AFG2B: variants seen among roughly 807,000 people sequenced by gnomAD.
AFG2B encodes ATPase family gene 2 protein homolog B.
chr15:45,403,256 G>C, the AFG2B span: 1 of 1,584,926 alleles, frequency 6.3e-7, no homozygotes, highest in South Asian at 1.1e-5. Flanking sequence ...TCCCGGCCTG[G>C]GGAGACCGAG....
At chr15:45,402,853 C>T in the AFG2B span, 1 of 1,598,512 alleles carries the variant, frequency 6.3e-7, no homozygotes, top group Admixed American at 1.7e-5. Flanking sequence ...GCTGAGAAAC[C>T]GACCGATCTC....
chr15:45,402,646 C>T, the AFG2B span: 2 of 1,578,762 alleles, frequency 1.3e-6, no homozygotes, highest in East Asian at 2.3e-5. Context: ...CGGCTTTGTG[C>T]AGCTGGACCC....
the AFG2B span, among the ~76,000 whole-genome samples, chr15:45,419,997 C>CCCCCCAAAA: frequency 1.9e-5 from 1 of 53,710 alleles, no homozygotes; most frequent in Non-Finnish European, 3.4e-5. Flanking sequence ...CCCCCCCCCC[C>CCCCCCAAAA]AAAAAAAAAA....
chr15:45,402,643 G>C, the AFG2B span: 1 of 1,579,486 alleles, frequency 6.3e-7, no homozygotes, highest in Non-Finnish European at 8.6e-7. Flanking sequence ...GGACGGCTTT[G>C]TGCAGCTGGA....
At chr15:45,405,305 T>C in the AFG2B span, 1 of 1,604,834 alleles carries the variant, frequency 6.2e-7, no homozygotes, top group Non-Finnish European at 8.5e-7. Flanking sequence ...TTTTTTTGTT[T>C]TGCTTTGCAT....
At chr15:45,410,365 TCTTCAGAACCAGGACAATC>T in the AFG2B span, 4 of 1,608,332 alleles carry the variant, frequency 2.5e-6, no homozygotes, top group Non-Finnish European at 3.4e-6. Flanking sequence ...TGGGTGTATT[TCTTCAGAACCAGGACAATC>T]CTGTGATTGA....
the AFG2B span, chr15:45,415,848 C>A: frequency 6.9e-7 from 1 of 1,439,488 alleles, no homozygotes; most frequent in Non-Finnish European, 9.6e-7. Flanking sequence ...TCCAGGCCAA[C>A]ATTAAATATA....
At chr15:45,402,463 C>T in the AFG2B span, 1 of 1,608,444 alleles carries the variant, frequency 6.2e-7, no homozygotes, top group Non-Finnish European at 8.5e-7. Context: ...CCCTGAAGGG[C>T]CGCTCTTAAA....
At chr15:45,414,534 A>G in the AFG2B span, 4 of 1,579,718 alleles carry the variant, frequency 2.5e-6, no homozygotes, top group African/African-American at 4.0e-5. Flanking sequence ...TTTTATTATT[A>G]TACTAAAACA....
chr15:45,417,371 T>A, the AFG2B span: 1 of 1,614,044 alleles, frequency 6.2e-7, no homozygotes. Flanking sequence ...TTAGATAAGA[T>A]CATCTATATC....
chr15:45,417,357 A>G, the AFG2B span: 1 of 1,614,100 alleles, frequency 6.2e-7, no homozygotes, highest in Non-Finnish European at 8.5e-7. Context: ...TACGACCTGG[A>G]AGATTAGATA....
the AFG2B span, among the ~76,000 whole-genome samples, chr15:45,420,389 A>G: frequency 6.6e-6 from 1 of 152,168 alleles, no homozygotes; most frequent in South Asian, 2.1e-4. Context: ...TGTTTGATCT[A>G]TTCCTTTATA....
chr15:45,414,425 G>C, the AFG2B span: 1 of 685,540 alleles, frequency 1.5e-6, no homozygotes, highest in South Asian at 1.9e-5. Context: ...TGATTCAAAT[G>C]ATAAGATCTC....
the AFG2B span, among the ~76,000 whole-genome samples, chr15:45,413,947 C>T: frequency 1.3e-5 from 2 of 152,104 alleles, no homozygotes; most frequent in South Asian, 2.1e-4. Flanking sequence ...ATTCATTATT[C>T]GGTTTACTGT....
At chr15:45,403,475 C>T in the AFG2B span, 6 of 1,607,764 alleles carry the variant, frequency 3.7e-6, no homozygotes, top group African/African-American at 4.0e-5. Flanking sequence ...CGGCCGGACG[C>T]TCTAGACCCA....
chr15:45,403,504 A>G, the AFG2B span: 2 of 1,602,246 alleles, frequency 1.2e-6, no homozygotes, highest in Non-Finnish European at 1.7e-6. Flanking sequence ...TAGGCCCGGG[A>G]GATTTGACCG....
the AFG2B span, chr15:45,410,326 A>T: frequency 1.3e-6 from 2 of 1,592,460 alleles, no homozygotes; most frequent in Middle Eastern, 1.7e-4. Context: ...AAAAAGACCA[A>T]CCTAATTTTT....
the AFG2B span, chr15:45,403,201 G>A: frequency 6.8e-7 from 1 of 1,471,968 alleles, no homozygotes; most frequent in East Asian, 2.7e-5. Flanking sequence ...GGCGCGCGAG[G>A]CGGGCGCGGA....
At chr15:45,419,562 T>C in the AFG2B span, among the ~76,000 whole-genome samples, 2 of 152,122 alleles carry the variant, frequency 1.3e-5, no homozygotes, top group African/African-American at 2.4e-5. Context: ...TTACTAAATA[T>C]AACATTCAGA....
Sources: allele counts gnomAD v4.1 joint callset (sites outside exome capture counted in the v4.1 genomes callset), GRCh38; gene constraint gnomAD v4.1.1; transcripts MANE v1.5; gene names NCBI Gene and HGNC (gene_info 2026-07-23, HGNC 2026-07-21).